APBB2: variants seen among roughly 807,000 people sequenced by gnomAD.
The protein encoded by APBB2 is amyloid beta precursor protein binding family B member 2.
Under a neutral mutation model 82.5 loss-of-function variants are expected in APBB2, and 38 were observed. The ratio of observed to expected loss-of-function variants is 0.46; its 90% CI spans 0.36 to 0.60. The LOEUF (loss-of-function observed/expected upper bound fraction) is 0.60, where lower values mean the gene tolerates loss of function less well. APBB2 is among the 20% of genes least tolerant of loss of function. APBB2 has a pLI of 0.00. For synonymous variants in APBB2, 341 were observed against 368.2 expected, an observed-to-expected ratio of 0.93 and a Z score of 0.85; for missense variants, 772 against 972.3, an observed-to-expected ratio of 0.79 and a Z score of 2.74.
intron 6 of APBB2, among the ~76,000 whole-genome samples, chr4:40,962,438 T>A (rs573803865): frequency 4.6e-5 from 7 of 152,214 alleles, no homozygotes; most frequent in Non-Finnish European, 1.0e-4. Flanking sequence ...AATTGTGAAT[T>A]CTCGGTTGCA....
At chr4:40,933,144 G>GT (rs1340495884) in intron 10 of APBB2, among the ~76,000 whole-genome samples, 1 of 152,204 alleles carries the variant, frequency 6.6e-6, no homozygotes, top group African/African-American at 2.4e-5. Flanking sequence ...GATTACAGGC[G>GT]TAAGGCACCA....
chr4:40,979,474 CA>C (rs1223517014), intron 6 of APBB2, among the ~76,000 whole-genome samples: 4 of 152,142 alleles, frequency 2.6e-5, no homozygotes, highest in African/African-American at 9.7e-5. Context: ...TTCTGAGCTT[CA>C]AAGGATTTTA....
At chr4:40,857,318 G>A (rs1054805321) in intron 12 of APBB2, 7 of 315,792 alleles carry the variant, frequency 2.2e-5, no homozygotes, top group African/African-American at 1.6e-4. Flanking sequence ...TAGGGGACTG[G>A]CTCAGGGCCG....
intron 4 of APBB2, among the ~76,000 whole-genome samples, chr4:41,036,380 C>T (rs1321882376): frequency 6.6e-6 from 1 of 152,150 alleles, no homozygotes; most frequent in African/African-American, 2.4e-5. Flanking sequence ...ACTCCAACTT[C>T]TATAAAGTTA....
chr4:41,020,213 G>A (rs1007059208), intron 5 of APBB2, among the ~76,000 whole-genome samples: 48 of 152,198 alleles, frequency 3.2e-4, no homozygotes, highest in Non-Finnish European at 1.2e-4. Flanking sequence ...TAACCCGAAA[G>A]CACTGAAGCC....
At chr4:40,854,032 C>T (rs1215751318) in intron 12 of APBB2, among the ~76,000 whole-genome samples, 1 of 152,196 alleles carries the variant, frequency 6.6e-6, no homozygotes, top group Non-Finnish European at 1.5e-5. Flanking sequence ...GTGCCTGACA[C>T]ATGGATGCTC....
At chr4:41,199,354 C>T (rs1026865086) in intron 1 of APBB2, among the ~76,000 whole-genome samples, 1 of 152,126 alleles carries the variant, frequency 6.6e-6, no homozygotes, top group African/African-American at 2.4e-5. Flanking sequence ...TGGAACACAT[C>T]CAAAACATAC....
chr4:40,815,047 A>G lies in APBB2; in HGVS notation c.*1045T>C, dbSNP rs1298669329. The G allele has an allele frequency of 6.6e-6, 1 of 152,574 alleles. No individual in the cohort carries two copies. The highest frequency in any genetic ancestry group is 1.9e-4 in the East Asian group (1 of 5,204). The allele number at this position is 152,574 out of a possible 1,614,324, so 9.5% of individuals were successfully genotyped here. ...GGCAAAAAGCATCAGAGGGGGATAG[A>G]GCTGGATGCAGAATTCCAGCAGAAC... On this transcript the variant is annotated 3_prime_UTR_variant, in exon 18 of 18. Coordinates refer to ENST00000508593, the MANE Select transcript of APBB2 (RefSeq NM_004307.2).
intron 6 of APBB2, among the ~76,000 whole-genome samples, chr4:40,946,066 C>CTA (rs1788299810): frequency 6.6e-6 from 1 of 152,018 alleles, no homozygotes; most frequent in Non-Finnish European, 1.5e-5. Context: ...AAGCCTGTCT[C>CTA]TACTAAAAAT....
chr4:40,985,201 ACT>A (rs1174604205), intron 6 of APBB2, among the ~76,000 whole-genome samples: 1 of 152,134 alleles, frequency 6.6e-6, no homozygotes, highest in Non-Finnish European at 1.5e-5. Context: ...GGCGTGAGCC[ACT>A]GTGTCCAGCC....
rs60417859 is a variant in APBB2, at chr4:41,020,917, T to A, written c.20-6519A>T. ...TGTTTTTACACTAACAGGTCAGGGA[T>A]AGTAAGAGATGCCGCCCAGCGTTTA... On this transcript the variant is annotated intron_variant, in intron 5 of 17. Coordinates refer to ENST00000508593, the MANE Select transcript of APBB2 (RefSeq NM_004307.2). Among the ~76,000 whole-genome samples, 1,435 of 152,250 alleles carry A rather than the reference T, an allele frequency of 9.4e-3. 28 individuals carry two copies. Among genetic ancestry groups the A allele is most frequent in the African/African-American group, 0.033 (1,366 of 41,544 alleles).
intron 3 of APBB2, among the ~76,000 whole-genome samples, chr4:41,079,000 G>A (rs1736605531): frequency 6.6e-6 from 1 of 152,220 alleles, no homozygotes; most frequent in African/African-American, 2.4e-5. Flanking sequence ...GAGACATAAA[G>A]AGGCAGGAGC....
At chr4:40,860,789 G>T (rs941703956) in intron 12 of APBB2, among the ~76,000 whole-genome samples, 1 of 152,062 alleles carries the variant, frequency 6.6e-6, no homozygotes, top group Non-Finnish European at 1.5e-5. Flanking sequence ...TTTTTTAACC[G>T]ATTTTTTTAT....
intron 3 of APBB2, among the ~76,000 whole-genome samples, chr4:41,077,910 G>A (rs1736198965): frequency 6.6e-6 from 1 of 152,186 alleles, no homozygotes; most frequent in African/African-American, 2.4e-5. Flanking sequence ...AATGTCACAT[G>A]CACACATGCA....
chr4:41,000,057 A>ATGTGTGTGTGTGTGTG (rs1804726089), intron 6 of APBB2, among the ~76,000 whole-genome samples: 2 of 86,310 alleles, frequency 2.3e-5, no homozygotes, highest in East Asian at 1.0e-3. Flanking sequence ...GTATATGTAT[A>ATGTGTGTGTGTGTGTG]TATATGTGTG....
At chr4:40,901,141 G>C (rs1385357110) in intron 10 of APBB2, among the ~76,000 whole-genome samples, 1 of 152,146 alleles carries the variant, frequency 6.6e-6, no homozygotes. Context: ...TGTGACCCAG[G>C]TTACTCAATC....
At chr4:40,847,214 G>A (rs1038485815) in intron 12 of APBB2, among the ~76,000 whole-genome samples, 4 of 152,192 alleles carry the variant, frequency 2.6e-5, no homozygotes, top group African/African-American at 9.6e-5. Flanking sequence ...TGTAATCCCA[G>A]CACTTTGGGA....
At chr4:40,847,545 T>C (rs1758045441) in intron 12 of APBB2, among the ~76,000 whole-genome samples, 1 of 152,204 alleles carries the variant, frequency 6.6e-6, no homozygotes, top group African/African-American at 2.4e-5. Context: ...TTAGAACTGA[T>C]TCTGAGCAGG....
intron 1 of APBB2, among the ~76,000 whole-genome samples, chr4:41,170,267 T>A (rs1376208668): frequency 2.0e-5 from 3 of 152,234 alleles, no homozygotes; most frequent in Non-Finnish European, 4.4e-5. Context: ...TGTAGGCATA[T>A]CCTAGGCCAT....
Sources: allele counts gnomAD v4.1 joint callset (sites outside exome capture counted in the v4.1 genomes callset), GRCh38; gene constraint gnomAD v4.1.1; transcripts MANE v1.5; gene names NCBI Gene and HGNC (gene_info 2026-07-23, HGNC 2026-07-21).